GLRA3: variants seen among roughly 807,000 people sequenced by gnomAD.
GLRA3 encodes the protein glycine receptor subunit alpha-3.
GLRA3 carries 44 observed loss-of-function variants against 60.4 expected under a neutral mutation model. That is an observed-to-expected ratio of 0.73 (90% CI 0.57 to 0.94). GLRA3 has a LOEUF of 0.94. Among genes scored for constraint, GLRA3 ranks in the 40% least tolerant of loss-of-function variants. The pLI, the probability that GLRA3 is intolerant of heterozygous loss-of-function variation, is 0.00. For missense variants in GLRA3, 508 were observed against 564.6 expected (o/e 0.90, Z 1.02); for synonymous variants, 223 against 192.9 (o/e 1.16, Z -1.29).
At chr4:174,776,040 A>C (rs1017838613) in intron 2 of GLRA3, among the ~76,000 whole-genome samples, 1 of 152,146 alleles carries the variant, frequency 6.6e-6, no homozygotes, top group Non-Finnish European at 1.5e-5. Context: ...CCCCAGGGAT[A>C]GGGCCTGGCA....
At chr4:174,648,962 T>C (rs1436556283) in intron 9 of GLRA3, among the ~76,000 whole-genome samples, 2 of 152,198 alleles carry the variant, frequency 1.3e-5, no homozygotes, top group African/African-American at 4.8e-5. Flanking sequence ...TAAGGAACCC[T>C]GTTCGATCTG....
intron 2 of GLRA3, among the ~76,000 whole-genome samples, chr4:174,776,685 G>C (rs567587202): frequency 6.6e-6 from 1 of 152,288 alleles, no homozygotes; most frequent in African/African-American, 2.4e-5. Flanking sequence ...TGCATCGTTA[G>C]TGTTGAGGGT....
chr4:174,684,096 T>C (rs1734460637), intron 5 of GLRA3, among the ~76,000 whole-genome samples: 1 of 152,182 alleles, frequency 6.6e-6, no homozygotes, highest in African/African-American at 2.4e-5. Flanking sequence ...GTATTTTCTT[T>C]AGAATTTCTT....
chr4:174,826,947 C>T (rs990179642), intron 1 of GLRA3, among the ~76,000 whole-genome samples: 1 of 145,604 alleles, frequency 6.9e-6, no homozygotes, highest in Non-Finnish European at 1.5e-5. Context: ...TAATTTTTTA[C>T]ATATAATTAA....
intron 3 of GLRA3, among the ~76,000 whole-genome samples, chr4:174,739,104 T>G (rs1429669240): frequency 6.6e-6 from 1 of 152,250 alleles, no homozygotes; most frequent in African/African-American, 2.4e-5. Context: ...TGGGATAGTT[T>G]GCTATGCAGC....
chr4:174,793,462 T>A (rs199789171), intron 1 of GLRA3, among the ~76,000 whole-genome samples: 4 of 149,862 alleles, frequency 2.7e-5, no homozygotes, highest in African/African-American at 9.8e-5. Context: ...ATTTATTTAT[T>A]TATATTTAGA....
chr4:174,800,371 T>C (rs911335979), intron 1 of GLRA3, among the ~76,000 whole-genome samples: 1 of 152,156 alleles, frequency 6.6e-6, no homozygotes, highest in Non-Finnish European at 1.5e-5. Context: ...CATAACTTAA[T>C]GTGGTGCACT....
At chr4:174,821,570 A>G (rs886585049) in intron 1 of GLRA3, among the ~76,000 whole-genome samples, 6 of 152,140 alleles carry the variant, frequency 3.9e-5, no homozygotes, top group Non-Finnish European at 7.4e-5. Context: ...TAGAGAGAGT[A>G]CATAAGAAAA....
intron 5 of GLRA3, among the ~76,000 whole-genome samples, chr4:174,691,539 G>C (rs575652913): frequency 6.6e-6 from 1 of 152,222 alleles, no homozygotes; most frequent in Non-Finnish European, 1.5e-5. Context: ...GCAGGCGCGC[G>C]CGCCGCCACG....
chr4:174,706,995 T>C (rs1401667092), intron 5 of GLRA3, among the ~76,000 whole-genome samples: 1 of 152,188 alleles, frequency 6.6e-6, no homozygotes, highest in East Asian at 1.9e-4. Flanking sequence ...CATATTATAA[T>C]CTTATTACCA....
intron 6 of GLRA3, 113 bp from the exon 7 acceptor site, chr4:174,677,405 G>C (rs552163628): frequency 1.5e-6 from 1 of 653,416 alleles, no homozygotes; most frequent in South Asian, 1.8e-5. Flanking sequence ...TGTCCCCCAG[G>C]CTGGAGTGAA....
intron 1 of GLRA3, among the ~76,000 whole-genome samples, chr4:174,814,877 A>T (rs1291557805): frequency 6.6e-6 from 1 of 152,134 alleles, no homozygotes; most frequent in Non-Finnish European, 1.5e-5. Context: ...CCTCATCCAA[A>T]TCTCATGTCC....
intron 4 of GLRA3, among the ~76,000 whole-genome samples, chr4:174,725,558 G>A (rs1736291179): frequency 6.6e-6 from 1 of 152,136 alleles, no homozygotes; most frequent in Admixed American, 6.5e-5. Context: ...TGGGCTCACT[G>A]CAACCGCTGC....
chr4:174,688,322 TATA>T (rs1734632363), intron 5 of GLRA3, among the ~76,000 whole-genome samples: 1 of 5,744 alleles, frequency 1.7e-4, no homozygotes, highest in African/African-American at 8.2e-4. Context: ...TGACATCATA[TATA>T]TATATATATA....
At chr4:174,789,384 TA>T (rs143500025) in intron 1 of GLRA3, among the ~76,000 whole-genome samples, 13,253 of 152,272 alleles carry the variant, frequency 0.087, 652 homozygotes, top group Non-Finnish European at 0.098. Context: ...TTCTTAGCAG[TA>T]AAAAACTTCT....
chr4:174,794,203 C>T (rs1739471447), intron 1 of GLRA3, among the ~76,000 whole-genome samples: 1 of 151,976 alleles, frequency 6.6e-6, no homozygotes, highest in Non-Finnish European at 1.5e-5. Context: ...TCCATTGAAA[C>T]CCACCTATTA....
chr4:174,814,894 T>A (rs1740421693), intron 1 of GLRA3, among the ~76,000 whole-genome samples: 1 of 152,086 alleles, frequency 6.6e-6, no homozygotes, highest in Admixed American at 6.5e-5. Context: ...GTCCTCAGAT[T>A]TCAAAACCAA....
At chr4:174,816,230 A>G (rs1333251661) in intron 1 of GLRA3, among the ~76,000 whole-genome samples, 1 of 152,146 alleles carries the variant, frequency 6.6e-6, no homozygotes, top group East Asian at 1.9e-4. Flanking sequence ...TGTGTTTTCC[A>G]TAGCTCAGTC....
At chr4:174,646,097 G>A (rs1183733092) in intron 9 of GLRA3, among the ~76,000 whole-genome samples, 1 of 152,168 alleles carries the variant, frequency 6.6e-6, no homozygotes, top group Non-Finnish European at 1.5e-5. Context: ...TGACTTCTCA[G>A]TGAGCATTTC....
Sources: gnomAD v4.1 joint callset for allele counts (sites outside exome capture counted in the v4.1 genomes callset) on GRCh38, gnomAD v4.1.1 for gene constraint, MANE v1.5 for transcripts, NCBI Gene and HGNC (gene_info 2026-07-23, HGNC 2026-07-21) for gene names.